The following ITPR2 variants were observed in gnomAD, a reference collection of about 807,000 sequenced individuals.
ITPR2 encodes inositol 1,4,5-trisphosphate receptor type 2, also known as inositol 1,4,5-trisphosphate-gated calcium channel ITPR2.
In ITPR2, 207 loss-of-function variants were observed where a neutral mutation model predicts 317.1. The ratio of observed to expected loss-of-function variants is 0.65; its 90% CI spans 0.58 to 0.73. The LOEUF (loss-of-function observed/expected upper bound fraction) is 0.73, where lower values mean the gene tolerates loss of function less well. ITPR2 is among the 30% of genes least tolerant of loss of function. ITPR2 has a pLI of 0.00. For synonymous variants in ITPR2, 1,156 were observed against 1,149.1 expected (o/e 1.01, Z -0.12); for missense variants, 2,613 against 3,284.0 (o/e 0.80, Z 4.99).
intron 54 of ITPR2, among the ~76,000 whole-genome samples, chr12:26,389,442 T>C (rs1253938644): frequency 1.3e-5 from 2 of 151,862 alleles, no homozygotes; most frequent in African/African-American, 2.4e-5. Context: ...TACCTCTCAC[T>C]GTTCTCTCCC....
rs1345336808 is a variant in ITPR2, at chr12:26,599,299, T to C, written c.3848A>G (p.His1283Arg). The C allele has an allele frequency of 1.9e-6, 3 of 1,614,116 alleles. No homozygotes were observed. Among genetic ancestry groups the C allele is most frequent in the Non-Finnish European group, 1.7e-6 (2 of 1,179,948 alleles). The change falls in exon 30 of 57, where the codon CAT (histidine) becomes CGT (arginine). Residue 1283 changes from histidine (H) to arginine (R), a missense_variant. His to Arg is a conservative substitution (Grantham distance 29). This residue lies in a region of ITPR2 where 817 missense variants were observed against 897.6 expected (regional missense o/e 0.91). Coordinates refer to ENST00000381340, the MANE Select transcript of ITPR2 (RefSeq NM_002223.4). ...TMRHIFMNNY[H>R]LCNEISERVV... is the part of the protein sequence containing the mutation. ...TCTCTCGCTAATTTCGTTGCACAGA[T>C]GGTAATTGTTCATGAAGATGTGCCG... is the stretch of plus-strand genomic sequence containing the variant.
At chr12:26,536,045 A>ATCC (rs1944081055) in intron 37 of ITPR2, among the ~76,000 whole-genome samples, 1 of 152,242 alleles carries the variant, frequency 6.6e-6, no homozygotes, top group Non-Finnish European at 1.5e-5. Flanking sequence ...AAGAAAGAAT[A>ATCC]TCCTCAGTCA....
chr12:26,474,975 A>C (rs930901909), intron 45 of ITPR2, among the ~76,000 whole-genome samples: 3 of 152,064 alleles, frequency 2.0e-5, no homozygotes, highest in Non-Finnish European at 2.9e-5. Flanking sequence ...CTGTCTCCCC[A>C]GTAGCCTCTC....
intron 2 of ITPR2, among the ~76,000 whole-genome samples, chr12:26,741,027 C>G: frequency 6.6e-6 from 1 of 152,244 alleles, no homozygotes; most frequent in East Asian, 1.9e-4. Flanking sequence ...TAGAAAAGAT[C>G]TATTTAATTT....
In ITPR2 at chr12:26,495,026, G is replaced by C; in HGVS notation, c.5182+126C>G. 4 of 666,146 alleles carry C rather than the reference G, an allele frequency of 6.0e-6. No homozygotes were observed. The South Asian group carries it at 7.2e-5, about 12-fold the overall frequency. The allele number at this position is 666,146 out of a possible 1,614,324, so 41.3% of individuals were successfully genotyped here. ...TTTATGAGCCCCAAATTGTATGAAA[G>C]TTTTTAACAGTGATTTTTAAATGAC... On this transcript the variant is annotated intron_variant, in intron 38 of 56. Transcript: ENST00000381340.
At chr12:26,770,227 T>C (rs1949815614) in intron 2 of ITPR2, among the ~76,000 whole-genome samples, 1 of 152,238 alleles carries the variant, frequency 6.6e-6, no homozygotes, top group Non-Finnish European at 1.5e-5. Flanking sequence ...TTTCTCCATC[T>C]TCCCACACAG....
Position 26,674,604 on chromosome 12 carries a change from C to T in ITPR2, c.1409+7270G>A, listed in dbSNP as rs531780993. Among the ~76,000 whole-genome samples the T allele has an allele frequency of 7.0e-4, 107 of 152,294 alleles. No individual in the cohort carries two copies. The Middle Eastern group carries it at 0.01, about 15-fold the overall frequency. On this transcript the variant is annotated intron_variant, in intron 13 of 56. Transcript: ENST00000381340. ...AAATCATAAAAACCCTAGAAGAAAACCTAGGCATTACCATTCAGGACATAG... is the reference window on the plus strand; with the variant it reads ...AAATCATAAAAACCCTAGAAGAAAATCTAGGCATTACCATTCAGGACATAG...
chr12:26,405,029 G>A (rs1940302431), intron 52 of ITPR2, among the ~76,000 whole-genome samples: 1 of 152,088 alleles, frequency 6.6e-6, no homozygotes. Flanking sequence ...AGCTACTCAG[G>A]AGGCTGAGGC....
At chr12:26,678,127 C>G (rs1027325426) in intron 13 of ITPR2, among the ~76,000 whole-genome samples, 1 of 152,104 alleles carries the variant, frequency 6.6e-6, no homozygotes, top group Admixed American at 6.6e-5. Context: ...GAGAGTAACC[C>G]CAGTATTTTG....
At chr12:26,745,795 A>G (rs1420543622) in intron 2 of ITPR2, among the ~76,000 whole-genome samples, 1 of 152,250 alleles carries the variant, frequency 6.6e-6, no homozygotes, top group Non-Finnish European at 1.5e-5. Context: ...TTTCTCACTC[A>G]TAACTCAAAT....
At chr12:26,588,548 T>A (rs2137093068) in intron 32 of ITPR2, among the ~76,000 whole-genome samples, 1 of 152,344 alleles carries the variant, frequency 6.6e-6, no homozygotes, top group South Asian at 2.1e-4. Flanking sequence ...TGACTTAATG[T>A]CACCAAATTA....
rs377348203 is a variant in ITPR2 at position 26,368,030 on chromosome 12, TCTGCAAAG to T, written c.7857+19396_7857+19403del. ...CTGAACCATGCTCTTCTGATTATGT[TCTGCAAAG>T]TAGTTTATTTGACATTGGAAGACTC... On this transcript the variant is annotated intron_variant, in intron 55 of 56. Transcript: ENST00000381340. Among the ~76,000 whole-genome samples the T allele has an allele frequency of 4.7e-3, 721 of 152,346 alleles. 4 individuals are homozygous for T. The highest frequency in any genetic ancestry group is 0.017 in the African/African-American group (686 of 41,572).
At chr12:26,381,672 A>C (rs1271228889) in intron 55 of ITPR2, among the ~76,000 whole-genome samples, 1 of 152,210 alleles carries the variant, frequency 6.6e-6, no homozygotes, top group Non-Finnish European at 1.5e-5. Flanking sequence ...GTCAGAGTGC[A>C]GTTGTTAATC....
At chr12:26,587,280 A>AAT (rs10554886) in intron 32 of ITPR2, among the ~76,000 whole-genome samples, 68 of 147,598 alleles carry the variant, frequency 4.6e-4, no homozygotes, top group African/African-American at 1.5e-3. Context: ...AATACAAATA[A>AAT]ATATATATAT....
chr12:26,398,483 C>T (rs1439613983), intron 54 of ITPR2, among the ~76,000 whole-genome samples: 1 of 152,158 alleles, frequency 6.6e-6, no homozygotes, highest in Non-Finnish European at 1.5e-5. Flanking sequence ...ATAGTGATGT[C>T]AGTGAGTAGA....
rs569339781 is a variant in ITPR2, at chr12:26,832,855, G to A, written c.-74C>T. 7.7e-6 allele frequency: 9 copies of A among 1,170,724 alleles called. No individual in the cohort carries two copies. The South Asian group carries it at 8.9e-5, about 12-fold the overall frequency. The allele number at this position is 1,170,724 out of a possible 1,614,324, so 72.5% of individuals were successfully genotyped here. A position where few individuals can be genotyped will look rare whatever the true frequency, so the allele number is the denominator to read the frequency against. On this transcript the variant is annotated 5_prime_UTR_variant, in exon 1 of 57. Coordinates refer to ENST00000381340, the MANE Select transcript of ITPR2 (RefSeq NM_002223.4). Reference sequence around the variant, plus strand: ...GCCGCCCTCTCTCCAGGGAGCCGCCGCGGCAGAAGCGGATCGGATCGCGGG... The same window carrying A: ...GCCGCCCTCTCTCCAGGGAGCCGCCACGGCAGAAGCGGATCGGATCGCGGG...
At chr12:26,383,642 C>T (rs569614917) in intron 55 of ITPR2, among the ~76,000 whole-genome samples, 1 of 144,324 alleles carries the variant, frequency 6.9e-6, no homozygotes, top group East Asian at 2.0e-4. Flanking sequence ...CACCACCACG[C>T]CTGGCTAATT....
chr12:26,786,525 G>A (rs1950254045), intron 2 of ITPR2, among the ~76,000 whole-genome samples: 1 of 150,452 alleles, frequency 6.6e-6, no homozygotes, highest in Non-Finnish European at 1.5e-5. Flanking sequence ...AAGCTACTAT[G>A]TTTCTGTTAA....
At chr12:26,535,640 C>T (rs763116316) in intron 37 of ITPR2, among the ~76,000 whole-genome samples, 17 of 151,998 alleles carry the variant, frequency 1.1e-4, no homozygotes, top group Non-Finnish European at 1.9e-4. Context: ...TTGGGTACTT[C>T]AAAGAGCTGA....
Sources: gnomAD v4.1 joint callset for allele counts (sites outside exome capture counted in the v4.1 genomes callset) on GRCh38, gnomAD v4.1.1 for gene constraint, gnomAD v4.1.1 regional missense constraint, MANE v1.5 for transcripts, NCBI Gene and HGNC (gene_info 2026-07-23, HGNC 2026-07-21) for gene names.